TTC7A: variants seen among roughly 807,000 people sequenced by gnomAD.
TTC7A encodes tetratricopeptide repeat protein 7A.
In TTC7A, 110 loss-of-function variants were observed where a neutral mutation model predicts 103.7. That is an observed-to-expected ratio of 1.06 (90% confidence interval 0.91 to 1.24). The LOEUF is 1.24. TTC7A is among the 50% of genes most tolerant of loss of function. TTC7A has a pLI of 0.00. For synonymous variants in TTC7A, 521 were observed against 467.9 expected, an observed-to-expected ratio of 1.11 and a Z score of -1.47; for missense variants, 1,340 against 1,116.3, an observed-to-expected ratio of 1.20 and a Z score of -2.86.
At chr2:47,025,788 A>C (rs1418275964) in intron 14 of TTC7A, among the ~76,000 whole-genome samples, 8 of 142,402 alleles carry the variant, frequency 5.6e-5, no homozygotes, top group South Asian at 4.6e-4. Context: ...ATCCTCCTCC[A>C]CCTCTAGGCT....
intron 8 of TTC7A, among the ~76,000 whole-genome samples, chr2:47,002,709 C>T (rs1455787593): frequency 6.6e-6 from 1 of 152,160 alleles, no homozygotes; most frequent in Non-Finnish European, 1.5e-5. Flanking sequence ...GGCTTACCCA[C>T]CAGCCCCCAT....
intron 2 of TTC7A, among the ~76,000 whole-genome samples, chr2:46,952,430 C>G (rs907059195): frequency 1.3e-5 from 2 of 151,994 alleles, no homozygotes; most frequent in East Asian, 3.9e-4. Context: ...TGTAAAAATT[C>G]CAGTCAACAA....
At chr2:47,051,212 C>T (rs1682828038) in intron 17 of TTC7A, among the ~76,000 whole-genome samples, 1 of 152,180 alleles carries the variant, frequency 6.6e-6, no homozygotes, top group South Asian at 2.1e-4. Context: ...CTAATTTCAC[C>T]ACTTAGACCT....
In TTC7A at chr2:47,021,888, G is replaced by A. The variant is rs751253516; in HGVS notation, c.1419G>A (p.Met473Ile). 7 of 1,614,086 alleles carry A rather than the reference G, an allele frequency of 4.3e-6. No individual in the cohort carries two copies. The highest frequency in any genetic ancestry group is 5.9e-6 in the Non-Finnish European group (7 of 1,180,006). ...RWLEEAEHFAMMVISLGEEAG... is the reference protein window; with the variant it reads ...RWLEEAEHFAIMVISLGEEAG... ...TAGAGGAAGCAGAGCACTTTGCCAT[G>A]ATGGTGATCAGCCTCGGAGAGGAAG... Residue 473 changes from methionine to isoleucine, a missense_variant, in exon 12 of 20, where the codon ATG becomes ATA. By Grantham distance (10) the Met-to-Ile change is conservative. Transcript: ENST00000319190.
At chr2:47,046,170 C>T (rs1682293060) in intron 15 of TTC7A, 145 bp from the exon 16 acceptor site, 3 of 669,040 alleles carry the variant, frequency 4.5e-6, no homozygotes, top group East Asian at 2.6e-5. Context: ...GGTCCAGGGG[C>T]ATGGCAGAGG....
intron 5 of TTC7A, among the ~76,000 whole-genome samples, chr2:46,987,282 G>A (rs1572823921): frequency 1.3e-5 from 2 of 152,202 alleles, no homozygotes; most frequent in South Asian, 4.1e-4. Flanking sequence ...TTGGGGAGGC[G>A]GGCAATGGCT....
chr2:46,935,838 C>G (rs191785195), intron 2 of TTC7A, among the ~76,000 whole-genome samples: 4 of 152,214 alleles, frequency 2.6e-5, no homozygotes, highest in Admixed American at 2.6e-4. Flanking sequence ...ACCTATAATC[C>G]TAGAGACTAG....
At chr2:47,046,207 C>T (rs1033259580) in intron 15 of TTC7A, 108 bp from the exon 16 acceptor site, 17 of 810,994 alleles carry the variant, frequency 2.1e-5, no homozygotes, top group Non-Finnish European at 3.2e-5. Context: ...ACTCTGCTTT[C>T]TGCGAGTTAG....
At chr2:46,988,894 G>C (rs1675316288) in intron 5 of TTC7A, among the ~76,000 whole-genome samples, 1 of 152,196 alleles carries the variant, frequency 6.6e-6, no homozygotes, top group Non-Finnish European at 1.5e-5. Flanking sequence ...TGGAAAGGCA[G>C]GCATCTTCCA....
intron 2 of TTC7A, among the ~76,000 whole-genome samples, chr2:46,932,056 C>T (rs748549072): frequency 6.6e-6 from 1 of 151,982 alleles, no homozygotes; most frequent in African/African-American, 2.4e-5. Flanking sequence ...CAATTTCAAT[C>T]ATAATGTTTT....
intron 2 of TTC7A, among the ~76,000 whole-genome samples, chr2:46,954,757 A>C (rs1024349751): frequency 1.3e-5 from 2 of 151,994 alleles, no homozygotes; most frequent in Non-Finnish European, 2.9e-5. Context: ...TTTTTAGTAG[A>C]GACGGGTTTT....
chr2:46,919,287 C>T (rs1668976872), intron 2 of TTC7A, among the ~76,000 whole-genome samples: 1 of 152,214 alleles, frequency 6.6e-6, no homozygotes, highest in South Asian at 2.1e-4. Context: ...GTAATCCCAG[C>T]ACTTTGGGAG....
chr2:46,987,683 T>C (rs1675155670), intron 5 of TTC7A, among the ~76,000 whole-genome samples: 2 of 152,220 alleles, frequency 1.3e-5, no homozygotes, highest in African/African-American at 2.4e-5. Flanking sequence ...TTTTAATTAG[T>C]AAAGCAACAT....
In TTC7A at chr2:47,049,942, C is replaced by A; in HGVS notation, c.1920-7C>A. ...TTACCGGACCCTGGCCCTCTTTTGC[C>A]TTCCAGAGGCCTAGAAAAGGATGGC... On this transcript the variant is annotated splice_region_variant and splice_polypyrimidine_tract_variant and intron_variant, in intron 16 of 19. Coordinates refer to ENST00000319190, the MANE Select transcript of TTC7A (RefSeq NM_020458.4). 6.2e-7 allele frequency: 1 copy of A among 1,613,526 alleles called. No individual in the cohort carries two copies. The highest frequency in any genetic ancestry group is 8.5e-7 in the Non-Finnish European group (1 of 1,179,508).
chr2:46,968,523 G>A (rs1019153629), intron 3 of TTC7A, among the ~76,000 whole-genome samples: 1 of 152,130 alleles, frequency 6.6e-6, no homozygotes, highest in Non-Finnish European at 1.5e-5. Context: ...ATCAACCAGG[G>A]GACAAATACA....
At position 47,075,648 on chromosome 2, in the gene TTC7A, G is replaced by A. The variant is rs894451330; in HGVS notation, c.*1725G>A. 2 of 152,344 alleles carry A rather than the reference G, an allele frequency of 1.3e-5. No homozygotes were observed. The highest frequency in any genetic ancestry group is 4.8e-5 in the African/African-American group (2 of 41,466). 9.4% of individuals were successfully genotyped at this position (152,344 alleles called of 1,614,324 possible). ...TGGACAGGAGGGGCTGTTGCAGGAT[G>A]AGGGAGGCCAGAGAAGGCATCGAAG... is the stretch of plus-strand genomic sequence containing the variant. On this transcript the variant is annotated 3_prime_UTR_variant, in exon 20 of 20. Transcript: ENST00000319190.
Position 46,950,582 on chromosome 2 carries a change from A to C in TTC7A, c.348+56A>C, listed in dbSNP as rs1380319782. On this transcript the variant is annotated intron_variant, in intron 2 of 19. Transcript: ENST00000319190. Reference sequence around the variant, plus strand: ...CCTCTCCTCGTCTGTCTTGCCTCGCATCTGTCCAGTCCTCCCTGAGTCATT... The same window carrying C: ...CCTCTCCTCGTCTGTCTTGCCTCGCCTCTGTCCAGTCCTCCCTGAGTCATT... The C allele has an allele frequency of 2.5e-6, 4 of 1,578,764 alleles. No individual in the cohort carries two copies. In the East Asian group the frequency reaches 9.0e-5, roughly 36 times the overall value.
rs937168079 is a variant in TTC7A, at chr2:46,996,054, C to T, written c.1065+855C>T. On this transcript the variant is annotated intron_variant, in intron 8 of 19. Coordinates refer to ENST00000319190, the MANE Select transcript of TTC7A (RefSeq NM_020458.4). ...GCAAACACAAGCACGTGGATGCACG[C>T]ACACACTCGTGCTTGCACACATATG... 3.9e-5 allele frequency among the ~76,000 whole-genome samples: 6 copies of T among 152,256 alleles called. No individual in the cohort carries two copies. The South Asian group carries it at 1.2e-3, about 32-fold the overall frequency.
Position 47,074,485 on chromosome 2 carries a change from T to TTGGGGCCTC in TTC7A, c.*567_*568insCCTCTGGGG, listed in dbSNP as rs112781070. On this transcript the variant is annotated 3_prime_UTR_variant, in exon 20 of 20. Coordinates refer to ENST00000319190, the MANE Select transcript of TTC7A (RefSeq NM_020458.4). ...TCTTTCCCCCTGCTACCAAGTGCCT[T>TTGGGGCCTC]TGGGGTCTGACCAGGGGTACTGAGC... 0.85 allele frequency: 129,629 copies of TTGGGGCCTC among 153,164 alleles called. 55,072 individuals carry two copies. Among genetic ancestry groups the TTGGGGCCTC allele is most frequent in the East Asian group, 0.95 (4,896 of 5,132 alleles). The allele number at this position is 153,164 out of a possible 1,614,324, so 9.5% of individuals were successfully genotyped here.
Sources: gnomAD v4.1 joint callset for allele counts (sites outside exome capture counted in the v4.1 genomes callset) on GRCh38, gnomAD v4.1.1 for gene constraint, MANE v1.5 for transcripts, NCBI Gene and HGNC (gene_info 2026-07-23, HGNC 2026-07-21) for gene names.